KANSL1: variants seen among roughly 807,000 people sequenced by gnomAD.
The protein encoded by KANSL1 is MLL1/MLL complex subunit KANSL1.
Under a neutral mutation model 103.6 loss-of-function variants are expected in KANSL1, and 22 were observed. The ratio of observed to expected loss-of-function variants is 0.21; its 90% CI spans 0.15 to 0.30. The LOEUF (loss-of-function observed/expected upper bound fraction) is 0.30. Ranked by LOEUF, KANSL1 falls within the 10% of genes least tolerant of loss-of-function variation. The pLI is 1.00. For missense variants in KANSL1, 1,337 were observed against 1,399.8 expected, an observed-to-expected ratio of 0.96 and a Z score of 0.72; for synonymous variants, 600 against 527.6, an observed-to-expected ratio of 1.14 and a Z score of -1.88.
rs1429664812 is a variant in KANSL1 at position 46,030,571 on chromosome 17, T to C, written c.*905A>G. 6.9e-6 allele frequency: 1 copy of C among 144,066 alleles called. No homozygotes were observed. Among genetic ancestry groups the C allele is most frequent in the Non-Finnish European group, 1.5e-5 (1 of 66,634 alleles). 8.9% of individuals were successfully genotyped at this position (144,066 alleles called of 1,614,324 possible). ...CAGGGATCTGGATGTGAAGGAAACA[T>C]GGCAAAGTGAATCAGAGGGAAAAAA... On this transcript the variant is annotated 3_prime_UTR_variant, in exon 15 of 15. Transcript: ENST00000432791.
chr17:46,104,338 T>G (rs2147045356), intron 2 of KANSL1, among the ~76,000 whole-genome samples: 1 of 152,356 alleles, frequency 6.6e-6, no homozygotes, highest in East Asian at 1.9e-4. Flanking sequence ...AAGCATCTTC[T>G]AACACTAAAA....
At chr17:46,064,639 C>T (rs2146638062) in intron 6 of KANSL1, among the ~76,000 whole-genome samples, 1 of 152,286 alleles carries the variant, frequency 6.6e-6, no homozygotes, top group South Asian at 2.1e-4. Context: ...CCTCCTCCTC[C>T]CTCTCCAAAA....
Position 46,080,385 on chromosome 17 carries a change from A to T in KANSL1, c.1533+2056T>A, listed in dbSNP as rs150879136. On this transcript the variant is annotated intron_variant, in intron 4 of 14. Coordinates refer to ENST00000432791, the MANE Select transcript of KANSL1 (RefSeq NM_015443.4). ...TTGGGGAAAAAATTAACAAAATGGA[A>T]AACAGGCTGGTTACATGTGGGTATG... 4.8e-4 allele frequency among the ~76,000 whole-genome samples: 73 copies of T among 151,720 alleles called. 1 individual carries two copies. Among genetic ancestry groups the T allele is most frequent in the African/African-American group, 1.7e-3 (69 of 41,464 alleles).
At chr17:46,216,021 T>C (rs1465157325) in intron 1 of KANSL1, among the ~76,000 whole-genome samples, 7 of 151,286 alleles carry the variant, frequency 4.6e-5, no homozygotes, top group African/African-American at 1.7e-4. Context: ...GCCTGGGGGA[T>C]AGAGCGAGAC....
At chr17:46,174,097 A>T (rs1243892254) in intron 1 of KANSL1, among the ~76,000 whole-genome samples, 1 of 152,242 alleles carries the variant, frequency 6.6e-6, no homozygotes, top group African/African-American at 2.4e-5. Context: ...ATAAAATCTG[A>T]ATTTTTTAGG....
At chr17:46,056,755 G>C (rs564786466) in intron 6 of KANSL1, among the ~76,000 whole-genome samples, 1 of 152,314 alleles carries the variant, frequency 6.6e-6, no homozygotes, top group African/African-American at 2.4e-5. Context: ...TGGGAGTGTA[G>C]GAAAGATCAA....
At chr17:46,127,178 G>A (rs2043611488) in intron 2 of KANSL1, among the ~76,000 whole-genome samples, 3 of 152,204 alleles carry the variant, frequency 2.0e-5, no homozygotes, top group Non-Finnish European at 2.9e-5. Flanking sequence ...CACAATTACA[G>A]TAAGGATAAG....
intron 1 of KANSL1, among the ~76,000 whole-genome samples, chr17:46,190,362 G>C (rs1484732646): frequency 1.3e-5 from 2 of 152,244 alleles, no homozygotes; most frequent in Non-Finnish European, 2.9e-5. Context: ...GAAATAACAT[G>C]TGTAGGCAGG....
At position 46,175,208 on chromosome 17, in the gene KANSL1, A is replaced by T. The variant is rs142645122; in HGVS notation, c.-89-2976T>A. Among the ~76,000 whole-genome samples the T allele has an allele frequency of 3.8e-4, 58 of 152,312 alleles. No individual in the cohort carries two copies. The East Asian group carries it at 0.01, about 27-fold the overall frequency. ...GGACCACAGTAAGCTTCTTTATAGT[A>T]TGACAATTTGAATCATTAACATAAA... On this transcript the variant is annotated intron_variant, in intron 1 of 14. Coordinates refer to ENST00000432791, the MANE Select transcript of KANSL1 (RefSeq NM_015443.4).
chr17:46,207,844 C>T (rs2048023582), intron 1 of KANSL1, among the ~76,000 whole-genome samples: 1 of 152,088 alleles, frequency 6.6e-6, no homozygotes, highest in Non-Finnish European at 1.5e-5. Context: ...GGTACAGTGG[C>T]TCATGCCTTT....
chr17:46,135,541 C>CCTTTTTTT (rs2044089125), intron 2 of KANSL1, among the ~76,000 whole-genome samples: 3 of 117,654 alleles, frequency 2.5e-5, no homozygotes, highest in Admixed American at 1.9e-4. Context: ...CTCAACTATA[C>CCTTTTTTT]ATTTTTTTTT....
At position 46,189,031 on chromosome 17, in the gene KANSL1, C is replaced by CAAAAAAAAAAAAAAAAAA. The variant is rs57566816; in HGVS notation, c.-90+3774_-90+3791dup. Among the ~76,000 whole-genome samples, 23 of 62,382 alleles carry CAAAAAAAAAAAAAAAAAA rather than the reference C, an allele frequency of 3.7e-4. 3 individuals are homozygous for CAAAAAAAAAAAAAAAAAA. Among genetic ancestry groups the CAAAAAAAAAAAAAAAAAA allele is most frequent in the African/African-American group, 7.9e-4 (8 of 10,120 alleles). 40.9% of individuals were successfully genotyped at this position (62,382 alleles called of 152,430 possible). A position where few individuals can be genotyped will look rare whatever the true frequency, so the allele number is the denominator to read the frequency against. On this transcript the variant is annotated intron_variant, in intron 1 of 14. Transcript: ENST00000432791. ...CTGGGCAACAGAGCAAAGATTGTCT[C>CAAAAAAAAAAAAAAAAAA]AAAAAAAAAAAAAAAAAAAAAAAAA...
At chr17:46,143,559 C>T (rs2044532570) in intron 2 of KANSL1, among the ~76,000 whole-genome samples, 1 of 152,002 alleles carries the variant, frequency 6.6e-6, no homozygotes, top group Non-Finnish European at 1.5e-5. Context: ...AATCCCAGCA[C>T]TTTGGGAGGC....
rs35094789 is a variant in KANSL1, at chr17:46,135,695, C to CTT, written c.1289+35158_1289+35159dup. 1.2e-3 allele frequency among the ~76,000 whole-genome samples: 104 copies of CTT among 84,424 alleles called. 3 individuals carry two copies. Among genetic ancestry groups the CTT allele is most frequent in the East Asian group, 4.5e-3 (9 of 2,000 alleles). The allele number at this position is 84,424 out of a possible 152,430, so 55.4% of individuals were successfully genotyped here. On this transcript the variant is annotated intron_variant, in intron 2 of 14. Coordinates refer to ENST00000432791, the MANE Select transcript of KANSL1 (RefSeq NM_015443.4). ...TACAGGCATGCCCCACCATGCCTGG[C>CTT]TTTTTTTTTTTTTTTTTTTTTTTTT...
intron 8 of KANSL1, 124 bp downstream of exon 8, chr17:46,039,578 G>C (rs919683693): frequency 1.8e-6 from 2 of 1,083,012 alleles, no homozygotes; most frequent in Admixed American, 5.3e-5. Flanking sequence ...ACTGTGAGCT[G>C]AATTTTTTAT....
chr17:46,210,502 A>ATATGT (rs1567806919), intron 1 of KANSL1, among the ~76,000 whole-genome samples: 3 of 150,976 alleles, frequency 2.0e-5, no homozygotes, highest in Non-Finnish European at 4.4e-5. Flanking sequence ...AAAAAAAAAA[A>ATATGT]GACCTGAGTG....
At chr17:46,179,114 T>C (rs1597895135) in intron 1 of KANSL1, among the ~76,000 whole-genome samples, 1 of 152,214 alleles carries the variant, frequency 6.6e-6, no homozygotes, top group Non-Finnish European at 1.5e-5. Context: ...ATGCTAGTAG[T>C]GCCCTTCTGA....
At chr17:46,119,036 G>C (rs1168380079) in intron 2 of KANSL1, among the ~76,000 whole-genome samples, 1 of 152,198 alleles carries the variant, frequency 6.6e-6, no homozygotes, top group Non-Finnish European at 1.5e-5. Flanking sequence ...TGTATCACCA[G>C]CCTTAATATT....
chr17:46,074,018 CATAG>C (rs891720605), intron 4 of KANSL1, among the ~76,000 whole-genome samples: 23 of 152,066 alleles, frequency 1.5e-4, no homozygotes, highest in African/African-American at 5.3e-4. Context: ...CACCTGTGAG[CATAG>C]ATACATATGT....
Sources: allele counts gnomAD v4.1 joint callset (sites outside exome capture counted in the v4.1 genomes callset), GRCh38; gene constraint gnomAD v4.1.1; transcripts MANE v1.5; gene names NCBI Gene and HGNC (gene_info 2026-07-23, HGNC 2026-07-21).